The following WWOX variants were observed in gnomAD, a reference collection of about 807,000 sequenced individuals.
The protein encoded by WWOX is WW domain-containing oxidoreductase.
WWOX carries 69 observed loss-of-function variants against 46.2 expected under a neutral mutation model. The ratio of observed to expected loss-of-function variants is 1.49; its 90% confidence interval spans 1.23 to 1.82. The LOEUF is 1.82. Among genes scored for constraint, WWOX ranks in the 40% most tolerant of loss-of-function variants. WWOX has a pLI of 0.00. For missense variants in WWOX, 919 were observed against 542.6 expected (o/e 1.69, Z -6.89); for synonymous variants, 359 against 202.6 (o/e 1.77, Z -6.56).
chr16:78,416,026 C>T (rs1278836035), intron 6 of WWOX, among the ~76,000 whole-genome samples: 1 of 152,174 alleles, frequency 6.6e-6, no homozygotes, highest in African/African-American at 2.4e-5. Flanking sequence ...TGCTGCCTTC[C>T]ATTGGAATCT....
At chr16:79,102,670 T>A (rs1456543301) in intron 8 of WWOX, among the ~76,000 whole-genome samples, 1 of 152,206 alleles carries the variant, frequency 6.6e-6, no homozygotes, top group East Asian at 1.9e-4. Flanking sequence ...GCCAGGCATA[T>A]AATAGCCACT....
At chr16:78,935,682 C>G (rs886189036) in intron 8 of WWOX, among the ~76,000 whole-genome samples, 1 of 151,914 alleles carries the variant, frequency 6.6e-6, no homozygotes, top group African/African-American at 2.4e-5. Flanking sequence ...GTGCAGCACA[C>G]CGACATGGCA....
chr16:78,334,825 C>CAT (rs1567508400), intron 5 of WWOX, among the ~76,000 whole-genome samples: 1 of 130,678 alleles, frequency 7.7e-6, no homozygotes, highest in African/African-American at 3.0e-5. Flanking sequence ...CACACACACA[C>CAT]ACACACATAC....
At chr16:79,022,631 TC>T (rs1023149505) in intron 8 of WWOX, among the ~76,000 whole-genome samples, 1 of 152,170 alleles carries the variant, frequency 6.6e-6, no homozygotes, top group Non-Finnish European at 1.5e-5. Flanking sequence ...TTACAAGTGT[TC>T]CTGGTTGTGG....
chr16:78,768,268 G>T (rs902827062), intron 8 of WWOX, among the ~76,000 whole-genome samples: 1 of 119,924 alleles, frequency 8.3e-6, no homozygotes, highest in African/African-American at 3.4e-5. Context: ...GCCAAAAAGT[G>T]ATAGATGAGT....
chr16:78,943,848 G>C (rs184772557), intron 8 of WWOX, among the ~76,000 whole-genome samples: 67 of 152,276 alleles, frequency 4.4e-4, no homozygotes, highest in African/African-American at 1.6e-3. Context: ...TGTCCCGAAA[G>C]AGCACAGCTT....
chr16:78,160,056 G>C (rs919776279), intron 4 of WWOX, among the ~76,000 whole-genome samples: 1 of 151,664 alleles, frequency 6.6e-6, no homozygotes, highest in African/African-American at 2.4e-5. Flanking sequence ...GTTTGTTTTA[G>C]ATTTATAAGT....
chr16:78,520,978 C>T (rs2052842054), intron 8 of WWOX, among the ~76,000 whole-genome samples: 3 of 152,066 alleles, frequency 2.0e-5, no homozygotes, highest in Non-Finnish European at 2.9e-5. Flanking sequence ...CCAGGGCGAG[C>T]AGTTATGGGT....
At chr16:78,540,020 T>TCTCTCTCTCTCTCACACACACA (rs369075883) in intron 8 of WWOX, among the ~76,000 whole-genome samples, 7 of 132,852 alleles carry the variant, frequency 5.3e-5, no homozygotes, top group African/African-American at 1.8e-4. Flanking sequence ...TCTCTCTCTC[T>TCTCTCTCTCTCTCACACACACA]CACACACACA....
intron 8 of WWOX, among the ~76,000 whole-genome samples, chr16:78,819,288 C>G (rs1020557642): frequency 3.9e-5 from 6 of 152,130 alleles, no homozygotes; most frequent in African/African-American, 1.4e-4. Context: ...AGACTCAACT[C>G]CATAGACAGG....
chr16:78,984,710 A>G (rs566625364), intron 8 of WWOX, among the ~76,000 whole-genome samples: 2 of 152,328 alleles, frequency 1.3e-5, no homozygotes, highest in South Asian at 4.1e-4. Context: ...GAATCTTCAT[A>G]CTTTTGTAAT....
intron 8 of WWOX, among the ~76,000 whole-genome samples, chr16:78,882,594 GCC>G (rs2044366088): frequency 3.1e-5 from 1 of 32,500 alleles, no homozygotes; most frequent in Non-Finnish European, 6.2e-5. Flanking sequence ...CTCTCTCCTC[GCC>G]TCCCGAGTAG....
chr16:78,342,933 A>C (rs12597203), intron 5 of WWOX, among the ~76,000 whole-genome samples: 27,198 of 119,456 alleles, frequency 0.23, 8,730 homozygotes, highest in African/African-American at 0.38. Context: ...CTTCTTGGAG[A>C]TATAAGCTCA....
At chr16:78,753,858 A>G (rs1215188371) in intron 8 of WWOX, among the ~76,000 whole-genome samples, 9 of 124,948 alleles carry the variant, frequency 7.2e-5, no homozygotes, top group African/African-American at 2.4e-4. Flanking sequence ...ATATATATGT[A>G]TATGTATATG....
chr16:78,654,861 G>T (rs2047046313), intron 8 of WWOX, among the ~76,000 whole-genome samples: 1 of 151,922 alleles, frequency 6.6e-6, no homozygotes, highest in African/African-American at 2.4e-5. Context: ...CGTCAATGCA[G>T]CAGTCAAATT....
intron 8 of WWOX, among the ~76,000 whole-genome samples, chr16:79,020,334 A>T (rs1247590084): frequency 6.6e-6 from 1 of 152,202 alleles, no homozygotes; most frequent in East Asian, 1.9e-4. Context: ...GATCAAAACT[A>T]TGGAGTCTTA....
intron 8 of WWOX, among the ~76,000 whole-genome samples, chr16:78,486,622 T>A (rs1043060200): frequency 1.3e-5 from 2 of 150,814 alleles, no homozygotes; most frequent in Admixed American, 1.3e-4. Context: ...TCGCCCAGGC[T>A]GGAGTGTAGT....
intron 8 of WWOX, among the ~76,000 whole-genome samples, chr16:78,600,779 G>A (rs957587812): frequency 2.0e-5 from 3 of 152,204 alleles, no homozygotes; most frequent in Non-Finnish European, 4.4e-5. Flanking sequence ...TCTCTGTACA[G>A]CCATCTTGGG....
intron 8 of WWOX, among the ~76,000 whole-genome samples, chr16:78,540,016 TCTCTCACACACA>T (rs1428876355): frequency 5.0e-5 from 6 of 120,826 alleles, no homozygotes; most frequent in Admixed American, 2.1e-4. Context: ...TCTCTCTCTC[TCTCTCACACACA>T]CACACACACA....
Sources: allele counts gnomAD v4.1 joint callset (sites outside exome capture counted in the v4.1 genomes callset), GRCh38; gene constraint gnomAD v4.1.1; transcripts MANE v1.5; gene names NCBI Gene and HGNC (gene_info 2026-07-23, HGNC 2026-07-21).